Variants in WDPCP observed in about 807,000 individuals in gnomAD.
The protein encoded by WDPCP is WD repeat-containing and planar cell polarity effector protein fritz homolog.
A neutral mutation model predicts 93.1 loss-of-function variants in WDPCP; 71 were observed. The ratio of observed to expected loss-of-function variants is 0.76; its 90% confidence interval spans 0.63 to 0.93. The LOEUF (loss-of-function observed/expected upper bound fraction) is 0.93, where lower values mean the gene tolerates loss of function less well. WDPCP is among the 40% of genes least tolerant of loss of function. The pLI is 0.00. For missense variants in WDPCP, 844 were observed against 887.4 expected (o/e 0.95, Z 0.62); for synonymous variants, 315 against 315.0 (o/e 1.00, Z 0.00).
At chr2:63,425,598 A>C (rs1051873675) in intron 9 of WDPCP, among the ~76,000 whole-genome samples, 12 of 152,228 alleles carry the variant, frequency 7.9e-5, no homozygotes, top group Admixed American at 2.0e-4. Flanking sequence ...AAGCATTAAC[A>C]ACATAATAGA....
intron 1 of WDPCP, among the ~76,000 whole-genome samples, chr2:63,583,830 T>C (rs965680058): frequency 2.0e-5 from 3 of 151,662 alleles, no homozygotes; most frequent in East Asian, 3.9e-4. Context: ...ATAGGATACA[T>C]ATGAGTGGTC....
At chr2:63,610,550 C>T (rs1709603874) in intron 3 of WDPCP, among the ~76,000 whole-genome samples, 1 of 150,968 alleles carries the variant, frequency 6.6e-6, no homozygotes, top group Middle Eastern at 3.2e-3. Context: ...AAAAAATACA[C>T]ATATTTATTT....
intron 14 of WDPCP, among the ~76,000 whole-genome samples, chr2:63,181,420 A>C (rs1674230076): frequency 2.0e-5 from 3 of 151,892 alleles, no homozygotes. Flanking sequence ...AGGTAATCCA[A>C]TTTTCCTAGC....
chr2:63,343,629 T>C (rs929930834), intron 12 of WDPCP, among the ~76,000 whole-genome samples: 1 of 152,194 alleles, frequency 6.6e-6, no homozygotes, highest in Non-Finnish European at 1.5e-5. Flanking sequence ...TCTGATAGTC[T>C]TTCTTCTTTT....
At chr2:63,216,034 G>C (rs201638887) in intron 14 of WDPCP, among the ~76,000 whole-genome samples, 1 of 152,218 alleles carries the variant, frequency 6.6e-6, no homozygotes, top group East Asian at 1.9e-4. Context: ...TTAGAATGGC[G>C]ATCATTAAAA....
chr2:63,289,029 T>C lies in WDPCP; in HGVS notation c.1812+24219A>G, dbSNP rs544753702. 2.6e-5 allele frequency among the ~76,000 whole-genome samples: 4 copies of C among 152,274 alleles called. No individual in the cohort carries two copies. The South Asian group carries it at 6.2e-4, about 24-fold the overall frequency. On this transcript the variant is annotated intron_variant, in intron 13 of 17. Coordinates refer to ENST00000272321, the MANE Select transcript of WDPCP (RefSeq NM_015910.7). ...CAAATTACTTTTATTTCTTCCATTA[T>C]TGACGATATAAATATAAATTTTGAT...
At chr2:63,192,822 A>G (rs753444295) in intron 14 of WDPCP, among the ~76,000 whole-genome samples, 1 of 152,252 alleles carries the variant, frequency 6.6e-6, no homozygotes, top group Non-Finnish European at 1.5e-5. Context: ...TGTGCCTTCA[A>G]AGGAGATATC....
At chr2:63,604,806 A>G in intron 3 of WDPCP, 1 of 1,614,216 alleles carries the variant, frequency 6.2e-7, no homozygotes, top group Non-Finnish European at 8.5e-7. Context: ...TGAAATTGCA[A>G]GGAAAGGAAG....
At chr2:63,789,712 A>G (rs1489721441) in intron 2 of WDPCP, among the ~76,000 whole-genome samples, 1 of 152,220 alleles carries the variant, frequency 6.6e-6, no homozygotes, top group Admixed American at 6.5e-5. Flanking sequence ...ATTAATGAAA[A>G]GAAACTCTTT....
intron 2 of WDPCP, among the ~76,000 whole-genome samples, chr2:63,711,820 A>G (rs905913432): frequency 1.3e-5 from 2 of 152,180 alleles, no homozygotes; most frequent in South Asian, 2.1e-4. Flanking sequence ...GGTAAACCCT[A>G]TGTGTGGTAA....
chr2:63,441,639 A>G (rs1359355730), intron 6 of WDPCP: 6 of 149,490 alleles, frequency 4.0e-5, no homozygotes, highest in Non-Finnish European at 1.5e-5. Flanking sequence ...TGCAGTTACA[A>G]AAAAAAAAAA....
chr2:63,398,620 C>A (rs917387281), intron 10 of WDPCP, among the ~76,000 whole-genome samples: 11 of 152,154 alleles, frequency 7.2e-5, no homozygotes, highest in African/African-American at 2.2e-4. Flanking sequence ...CTCCAAAAAT[C>A]TTAGCATATT....
intron 1 of WDPCP, among the ~76,000 whole-genome samples, chr2:63,508,561 A>T (rs185676687): frequency 6.6e-6 from 1 of 152,326 alleles, no homozygotes; most frequent in Admixed American, 6.5e-5. Context: ...CATCATAATG[A>T]CAGGATCAAA....
chr2:63,287,741 T>C lies in WDPCP; in HGVS notation c.1812+25507A>G, dbSNP rs77600493. On this transcript the variant is annotated intron_variant, in intron 13 of 17. Transcript: ENST00000272321. ...TTGGCACAGAAGTAGAAGAGATTTATGTGTACACTCAATCTAATATCTTAA... is the reference window on the plus strand; with the variant it reads ...TTGGCACAGAAGTAGAAGAGATTTACGTGTACACTCAATCTAATATCTTAA... Among the ~76,000 whole-genome samples the C allele has an allele frequency of 1.2e-3, 181 of 152,368 alleles. 1 individual carries two copies. The East Asian group carries it at 0.026, about 22-fold the overall frequency.
Position 63,719,139 on chromosome 2 carries a change from C to T in WDPCP, n.309-68301G>A, listed in dbSNP as rs139449984. On this transcript the variant is annotated intron_variant and non_coding_transcript_variant, in intron 2 of 4. Coordinates refer to the WDPCP transcript ENST00000467687. ...GTATAGGTTGAAGGAACAAGAGGGA[C>T]TATGAGGGACCAAAGAACTAGCAAG... 1.1e-3 allele frequency among the ~76,000 whole-genome samples: 165 copies of T among 152,258 alleles called. 3 individuals carry two copies. The East Asian group carries it at 0.028, about 26-fold the overall frequency.
At chr2:63,777,916 A>G (rs921707836) in intron 2 of WDPCP, among the ~76,000 whole-genome samples, 3 of 152,178 alleles carry the variant, frequency 2.0e-5, no homozygotes, top group African/African-American at 7.2e-5. Context: ...TGCACAGTTT[A>G]TTGTATGCAA....
intron 15 of WDPCP, among the ~76,000 whole-genome samples, chr2:63,157,414 G>A (rs1429988453): frequency 6.6e-6 from 1 of 151,926 alleles, no homozygotes; most frequent in East Asian, 1.9e-4. Flanking sequence ...GAGCTGGGAT[G>A]TGTTGAATTA....
intron 1 of WDPCP, among the ~76,000 whole-genome samples, chr2:63,538,154 C>G (rs1704445748): frequency 6.6e-6 from 1 of 151,842 alleles, no homozygotes; most frequent in African/African-American, 2.4e-5. Context: ...AAAGAGATCT[C>G]AAGAGTAACA....
At chr2:63,235,317 A>T (rs1366680486) in intron 14 of WDPCP, among the ~76,000 whole-genome samples, 2 of 152,192 alleles carry the variant, frequency 1.3e-5, no homozygotes, top group African/African-American at 4.8e-5. Context: ...CCCTGAACAG[A>T]ACAGTAAACA....
Sources: gnomAD v4.1 joint callset for allele counts (sites outside exome capture counted in the v4.1 genomes callset) on GRCh38, gnomAD v4.1.1 for gene constraint, MANE v1.5 for transcripts, NCBI Gene and HGNC (gene_info 2026-07-23, HGNC 2026-07-21) for gene names.